The following STRIP1 variants were observed in gnomAD, a reference collection of about 807,000 sequenced individuals.
STRIP1 encodes striatin-interacting protein 1.
A neutral mutation model predicts 106.2 loss-of-function variants in STRIP1; 63 were observed. The ratio of observed to expected loss-of-function variants is 0.59; its 90% CI spans 0.48 to 0.73. The LOEUF (loss-of-function observed/expected upper bound fraction) is 0.73. Among genes scored for constraint, STRIP1 ranks in the 30% least tolerant of loss-of-function variants. STRIP1 has a pLI of 0.00. For missense variants in STRIP1, 857 were observed against 1,074.8 expected (o/e 0.80, Z 2.83); for synonymous variants, 390 against 413.0 (o/e 0.94, Z 0.67).
intron 1 of STRIP1, among the ~76,000 whole-genome samples, chr1:110,035,337 G>A (rs1652397633): frequency 6.6e-6 from 1 of 152,238 alleles, no homozygotes; most frequent in African/African-American, 2.4e-5. Context: ...TTATCATTGA[G>A]AGTAGAGTAG....
At position 110,043,737 on chromosome 1, in the gene STRIP1, C is replaced by T. The variant is rs1459453505; in HGVS notation, c.1167C>T (p.Asn389=). The change falls in exon 10 of 21, where the codon AAC becomes AAT. Residue 389 remains asparagine (N), a synonymous_variant. Coordinates refer to ENST00000369795, the MANE Select transcript of STRIP1 (RefSeq NM_033088.4). ...REEEEENDDD[N]SLEGETFPLE... is the part of the protein sequence containing the mutation. Reference sequence around the variant, plus strand: ...AGGAAGAGGAGAATGATGATGACAACAGTCTGGAGGGGGAGACGTTTCCCC... The same window carrying T: ...AGGAAGAGGAGAATGATGATGACAATAGTCTGGAGGGGGAGACGTTTCCCC... 1.9e-6 allele frequency: 3 copies of T among 1,614,168 alleles called. No homozygotes were observed. The South Asian group carries it at 3.3e-5, about 18-fold the overall frequency.
intron 5 of STRIP1, chr1:110,039,910 G>T: frequency 7.7e-7 from 1 of 1,293,562 alleles, no homozygotes; most frequent in Non-Finnish European, 1.0e-6. Flanking sequence ...GCCTGGCCTT[G>T]CCTGTGTCAC....
At chr1:110,050,259 C>A in intron 17 of STRIP1, 84 bp from the exon 18 acceptor site, 1 of 1,354,180 alleles carries the variant, frequency 7.4e-7, no homozygotes, top group Non-Finnish European at 1.1e-6. Flanking sequence ...GGGAGGAAAG[C>A]TGGGAGCTGG....
chr1:110,053,548 G>T, intron 20 of STRIP1, 117 bp from the exon 21 acceptor site: 1 of 1,401,888 alleles, frequency 7.1e-7, no homozygotes, highest in South Asian at 1.4e-5. Flanking sequence ...ATCTTTCTGA[G>T]GATGAGCTCG....
intron 13 of STRIP1, among the ~76,000 whole-genome samples, chr1:110,046,954 G>A (rs61785492): frequency 0.012 from 1,808 of 152,230 alleles, 17 homozygotes; most frequent in Non-Finnish European, 0.019. Flanking sequence ...GGAGGCTGAG[G>A]CAGAAGAATG....
At chr1:110,050,574 G>C (rs1163841689) in intron 18 of STRIP1, among the ~76,000 whole-genome samples, 165 bp downstream of exon 18, 1 of 152,244 alleles carries the variant, frequency 6.6e-6, no homozygotes, top group East Asian at 1.9e-4. Context: ...GCCAGGAGGA[G>C]GGCTCTTGCA....
chr1:110,050,198 A>G (rs1394146627), intron 17 of STRIP1, 145 bp from the exon 18 acceptor site: 3 of 693,582 alleles, frequency 4.3e-6, no homozygotes, highest in Non-Finnish European at 7.5e-6. Flanking sequence ...TAGGTGGGGA[A>G]ACTGGGGTGG....
At chr1:110,053,599 A>AGT in intron 20 of STRIP1, 66 bp from the exon 21 acceptor site, 1 of 1,586,748 alleles carries the variant, frequency 6.3e-7, no homozygotes, top group Non-Finnish European at 8.6e-7. Flanking sequence ...ATTCCTGGCC[A>AGT]GTGAATCCAT....
chr1:110,051,407 A>G (rs1051441424), intron 19 of STRIP1, among the ~76,000 whole-genome samples: 6 of 152,208 alleles, frequency 3.9e-5, no homozygotes, highest in African/African-American at 1.4e-4. Flanking sequence ...AACTGTGTGT[A>G]CATGTACACC....
intron 18 of STRIP1, among the ~76,000 whole-genome samples, chr1:110,050,721 C>T (rs1653257841): frequency 6.6e-6 from 1 of 152,224 alleles, no homozygotes; most frequent in Non-Finnish European, 1.5e-5. Flanking sequence ...AGCCCAAGGC[C>T]ACAGCTCCCA....
Position 110,051,022 on chromosome 1 carries a change from T to G in STRIP1, c.2023T>G (p.Leu675Val). Residue 675 changes from leucine (L) to valine (V), a missense_variant, in exon 19 of 21, where the codon TTG (leucine) becomes GTG (valine). Around this residue, in one of 2 missense-constraint regions of STRIP1, gnomAD observed 750 missense variants for 989.8 expected, o/e 0.76. Transcript: ENST00000369795. ...LFSCINLLRI[L>V]NKLTKWKHSR... is the part of the protein sequence containing the mutation. ...TTCTTGTATCAATCTGCTTCGGATC[T>G]TGAACAAGCTGACAAAGTGGAAGCA... The G allele has an allele frequency of 6.2e-7, 1 of 1,613,910 alleles. No individual in the cohort carries two copies. Among genetic ancestry groups the G allele is most frequent in the Non-Finnish European group, 8.5e-7 (1 of 1,179,752 alleles).
At chr1:110,049,381 C>G in intron 16 of STRIP1, 79 bp from the exon 17 acceptor site, 1 of 1,533,668 alleles carries the variant, frequency 6.5e-7, no homozygotes, top group Admixed American at 1.8e-5. Flanking sequence ...TCAGCCAAGG[C>G]CTTTCATCCC....
chr1:110,034,863 C>T (rs1652362314), intron 1 of STRIP1, 46 bp downstream of exon 1: 3 of 1,373,858 alleles, frequency 2.2e-6, no homozygotes, highest in Admixed American at 4.0e-5. Context: ...CGGGCGGCGC[C>T]GGGGGTCCCG....
chr1:110,043,550 C>T, intron 9 of STRIP1, 89 bp from the exon 10 acceptor site: 1 of 1,181,962 alleles, frequency 8.5e-7, no homozygotes, highest in Non-Finnish European at 1.2e-6. Context: ...CTCTACTGGA[C>T]ACCTGTATGT....
At chr1:110,052,769 C>T (rs191291040) in intron 20 of STRIP1, among the ~76,000 whole-genome samples, 1 of 152,280 alleles carries the variant, frequency 6.6e-6, no homozygotes, top group East Asian at 1.9e-4. Context: ...TGTGCCCAGC[C>T]TTCTCAGGGG....
chr1:110,045,020 C>T lies in STRIP1; in HGVS notation c.1358C>T (p.Thr453Met), dbSNP rs527621579. 60 of 1,614,108 alleles carry T rather than the reference C, an allele frequency of 3.7e-5. No homozygotes were observed. In the South Asian group the frequency reaches 4.9e-4, roughly 13 times the overall value. The change falls in exon 12 of 21, where the codon ACG (threonine) becomes ATG (methionine). Residue 453 changes from threonine (T) to methionine (M), a missense_variant. Coordinates refer to ENST00000369795, the MANE Select transcript of STRIP1 (RefSeq NM_033088.4). ...GGGCCTTCTTTATTCTCCAGTGACA[C>T]GAACACAGTGGTGGGGCTGCCCAGG... ...KFIGYTLGSD[T>M]NTVVGLPRPI...
At chr1:110,038,071 A>T (rs1183923111) in intron 2 of STRIP1, 111 bp downstream of exon 2, 16 of 130,362 alleles carry the variant, frequency 1.2e-4, no homozygotes, top group South Asian at 3.3e-4. Flanking sequence ...AGTTCTATCA[A>T]ATATATATAT....
Position 110,054,341 on chromosome 1 carries a change from C to A in STRIP1, c.*429C>A. The A allele has an allele frequency of 6.1e-6, 1 of 163,648 alleles. No homozygotes were observed. Among genetic ancestry groups the A allele is most frequent in the Non-Finnish European group, 1.3e-5 (1 of 76,180 alleles). 10.1% of individuals were successfully genotyped at this position (163,648 alleles called of 1,614,324 possible). ...GAGAGTTTAGGATTAGGGCCAGGGCCAGAAAGTCGGTATCTTGGTTGTGCT... is the reference window on the plus strand; with the variant it reads ...GAGAGTTTAGGATTAGGGCCAGGGCAAGAAAGTCGGTATCTTGGTTGTGCT... On this transcript the variant is annotated 3_prime_UTR_variant, in exon 21 of 21. Transcript: ENST00000369795.
At position 110,049,199 on chromosome 1, in the gene STRIP1, G is replaced by C. The variant is rs1374844233; in HGVS notation, c.1749G>C (p.Leu583=). The change falls in exon 16 of 21, where the codon CTG becomes CTC. Residue 583 remains leucine, a synonymous_variant. Transcript: ENST00000369795. ...VIVKAISAVL[L]LLLKHFKLNH... Reference sequence around the variant, plus strand: ...TTAAGGCCATTTCTGCTGTCCTGCTGCTGCTGCTCAAGCACTTTAAGTTGA... The same window carrying C: ...TTAAGGCCATTTCTGCTGTCCTGCTCCTGCTGCTCAAGCACTTTAAGTTGA... 6.2e-7 allele frequency: 1 copy of C among 1,614,088 alleles called. No homozygotes were observed. Among genetic ancestry groups the C allele is most frequent in the African/African-American group, 1.3e-5 (1 of 74,920 alleles).
Sources: allele counts gnomAD v4.1 joint callset (sites outside exome capture counted in the v4.1 genomes callset), GRCh38; gene constraint gnomAD v4.1.1; regional missense constraint gnomAD v4.1.1; transcripts MANE v1.5; gene names NCBI Gene and HGNC (gene_info 2026-07-23, HGNC 2026-07-21).